Variants in TENM4 observed in about 807,000 individuals in gnomAD.
The protein encoded by TENM4 is teneurin transmembrane protein 4, also known as teneurin-4.
A neutral mutation model predicts 243.3 loss-of-function variants in TENM4; 82 were observed. The observed-to-expected ratio is 0.34, with a 90% CI of 0.28 to 0.40. TENM4 has a LOEUF of 0.40. TENM4 is among the 10% of genes least tolerant of loss of function. The pLI is 1.00. For missense variants in TENM4, 3,138 were observed against 3,673.3 expected (o/e 0.85, Z 3.77); for synonymous variants, 1,412 against 1,456.3 (o/e 0.97, Z 0.69).
intron 31 of TENM4, 66 bp from the exon 32 acceptor site, chr11:78,670,617 CCGAGA>C: frequency 2.7e-6 from 4 of 1,455,758 alleles, no homozygotes; most frequent in Non-Finnish European, 3.7e-6. Flanking sequence ...GTCTACATAC[CCGAGA>C]CTTAAAGGGA....
At chr11:78,992,676 A>G (rs888308250) in intron 6 of TENM4, among the ~76,000 whole-genome samples, 1 of 152,200 alleles carries the variant, frequency 6.6e-6, no homozygotes, top group African/African-American at 2.4e-5. Flanking sequence ...GAGCCATGGG[A>G]ATATATGATT....
At chr11:79,179,512 A>ATATGGAAGAAACTATACCAATTATCTAC (rs776530269) in intron 3 of TENM4, among the ~76,000 whole-genome samples, 1 of 152,000 alleles carries the variant, frequency 6.6e-6, no homozygotes, top group Non-Finnish European at 1.5e-5. Context: ...CCTTCAAAAC[A>ATATGGAAGAAACTATACCAATTATCTAC]AGATGATTAA....
At chr11:79,053,050 T>C (rs1859842741) in intron 6 of TENM4, among the ~76,000 whole-genome samples, 2 of 152,232 alleles carry the variant, frequency 1.3e-5, no homozygotes. Context: ...TCAGCTCTGC[T>C]TTCTAGGAAA....
intron 5 of TENM4, among the ~76,000 whole-genome samples, chr11:79,067,095 C>T (rs1016483120): frequency 2.6e-5 from 4 of 152,186 alleles, no homozygotes; most frequent in Admixed American, 2.0e-4. Flanking sequence ...CCTCATGATC[C>T]AGTTACTAAA....
At chr11:78,758,012 G>C (rs557885308) in intron 18 of TENM4, among the ~76,000 whole-genome samples, 2 of 152,180 alleles carry the variant, frequency 1.3e-5, no homozygotes, top group Non-Finnish European at 2.9e-5. Flanking sequence ...TTATATCAAA[G>C]TACTTTTACA....
At chr11:79,287,513 T>C (rs1856278185) in intron 2 of TENM4, among the ~76,000 whole-genome samples, 1 of 152,092 alleles carries the variant, frequency 6.6e-6, no homozygotes. Flanking sequence ...AGTAAACACT[T>C]CTCCAGAGAC....
At chr11:78,773,775 C>T (rs1321538540) in intron 17 of TENM4, among the ~76,000 whole-genome samples, 1 of 152,206 alleles carries the variant, frequency 6.6e-6, no homozygotes, top group Non-Finnish European at 1.5e-5. Context: ...ATTTGCCAAC[C>T]TCTGGTTTAG....
intron 6 of TENM4, among the ~76,000 whole-genome samples, chr11:79,029,763 C>G (rs1859176572): frequency 6.6e-6 from 1 of 152,138 alleles, no homozygotes; most frequent in Non-Finnish European, 1.5e-5. Flanking sequence ...ACAAGAGTGA[C>G]TTGGTATTTG....
At chr11:79,259,108 G>A (rs749147210) in intron 2 of TENM4, among the ~76,000 whole-genome samples, 23 of 152,222 alleles carry the variant, frequency 1.5e-4, no homozygotes, top group South Asian at 4.1e-4. Context: ...GTTGGAGGGT[G>A]TTCCTAGGAC....
intron 3 of TENM4, among the ~76,000 whole-genome samples, chr11:79,175,125 T>C (rs1463311161): frequency 6.6e-6 from 1 of 152,222 alleles, no homozygotes; most frequent in Admixed American, 6.5e-5. Flanking sequence ...CAGCAGGGCA[T>C]ATTGGACCGT....
chr11:78,798,758 T>C (rs1394470891), intron 15 of TENM4, among the ~76,000 whole-genome samples: 2 of 152,008 alleles, frequency 1.3e-5, no homozygotes, highest in African/African-American at 4.8e-5. Flanking sequence ...CCTCTCCTCC[T>C]TGGCCACCAG....
In TENM4 at chr11:79,123,171, T is replaced by A. The variant is rs528426747; in HGVS notation, c.-66+25539A>T. On this transcript the variant is annotated intron_variant, in intron 4 of 33. Transcript: ENST00000278550. ...CTGGAATAAGACAATAGATGAGGAC[T>A]GTCTCATGTATCTTATGCTTACATA... Among the ~76,000 whole-genome samples the A allele has an allele frequency of 2.6e-5, 4 of 152,332 alleles. No homozygotes were observed. In the South Asian group the frequency reaches 8.3e-4, roughly 32 times the overall value.
intron 6 of TENM4, among the ~76,000 whole-genome samples, chr11:78,990,979 G>A (rs1028829238): frequency 1.3e-5 from 2 of 152,170 alleles, no homozygotes; most frequent in Non-Finnish European, 2.9e-5. Context: ...TTTTATAGCA[G>A]TGCTGTTAGG....
At chr11:78,745,711 G>C (rs1304795817) in intron 19 of TENM4, among the ~76,000 whole-genome samples, 5 of 152,180 alleles carry the variant, frequency 3.3e-5, no homozygotes, top group Non-Finnish European at 7.3e-5. Context: ...TGTATAGATA[G>C]AGCCCCTAAA....
At chr11:78,730,151 G>A (rs1402559454) in intron 21 of TENM4, among the ~76,000 whole-genome samples, 2 of 152,214 alleles carry the variant, frequency 1.3e-5, no homozygotes, top group East Asian at 1.9e-4. Context: ...GACTGAGAAA[G>A]GTCACATAGG....
chr11:79,019,244 G>A (rs1483187525), intron 6 of TENM4, among the ~76,000 whole-genome samples: 1 of 152,160 alleles, frequency 6.6e-6, no homozygotes, highest in Non-Finnish European at 1.5e-5. Context: ...CCAGATCTAG[G>A]TAGAGGACGG....
intron 1 of TENM4, among the ~76,000 whole-genome samples, chr11:79,343,065 G>A (rs893191984): frequency 6.6e-5 from 10 of 152,206 alleles, no homozygotes; most frequent in Non-Finnish European, 1.5e-4. Flanking sequence ...ACTGGCACAC[G>A]CAGCTCACCC....
chr11:78,822,117 A>G (rs532804275), intron 12 of TENM4, among the ~76,000 whole-genome samples: 16 of 152,304 alleles, frequency 1.1e-4, no homozygotes, highest in Non-Finnish European at 2.2e-4. Context: ...GAGAGAGCAA[A>G]TTAATGACTA....
Position 79,087,440 on chromosome 11 carries a change from G to C in TENM4, c.-65-17431C>G, listed in dbSNP as rs1468744080. Among the ~76,000 whole-genome samples the C allele has an allele frequency of 7.9e-5, 12 of 152,244 alleles. 1 individual carries two copies. The highest frequency in any genetic ancestry group is 7.9e-4 in the Admixed American group (12 of 15,284). Reference sequence around the variant, plus strand: ...TCAAACCAAGCTCCCCGCTGGAGCAGAAACATGCTGCATGGGAATCCTATT... The same window carrying C: ...TCAAACCAAGCTCCCCGCTGGAGCACAAACATGCTGCATGGGAATCCTATT... On this transcript the variant is annotated intron_variant, in intron 4 of 33. Coordinates refer to ENST00000278550, the MANE Select transcript of TENM4 (RefSeq NM_001098816.3).
Sources: allele counts gnomAD v4.1 joint callset (sites outside exome capture counted in the v4.1 genomes callset), GRCh38; gene constraint gnomAD v4.1.1; transcripts MANE v1.5; gene names NCBI Gene and HGNC (gene_info 2026-07-23, HGNC 2026-07-21).